The following SLC44A5 variants were observed in gnomAD, a reference collection of about 807,000 sequenced individuals.
The protein encoded by SLC44A5 is solute carrier family 44 member 5.
In SLC44A5, 57 loss-of-function variants were observed where a neutral mutation model predicts 101.8. The observed-to-expected ratio is 0.56, with a 90% CI of 0.45 to 0.70. The LOEUF (loss-of-function observed/expected upper bound fraction) is 0.70. SLC44A5 is among the 30% of genes least tolerant of loss of function. The pLI, the probability that SLC44A5 is intolerant of heterozygous loss-of-function variation, is 0.00. For missense variants in SLC44A5, 737 were observed against 853.1 expected (o/e 0.86, Z 1.70); for synonymous variants, 281 against 290.9 (o/e 0.97, Z 0.35).
intron 4 of SLC44A5, among the ~76,000 whole-genome samples, chr1:75,310,034 T>C (rs930931368): frequency 1.3e-5 from 2 of 152,218 alleles, no homozygotes; most frequent in African/African-American, 4.8e-5. Context: ...ACAAACTTTG[T>C]AGAGGTTTTA....
At chr1:75,504,076 A>G (rs1158026777) in intron 2 of SLC44A5, among the ~76,000 whole-genome samples, 1 of 152,134 alleles carries the variant, frequency 6.6e-6, no homozygotes, top group African/African-American at 2.4e-5. Context: ...TTATGAGATA[A>G]TCAAACTACA....
intron 1 of SLC44A5, chr1:75,582,124 A>G: frequency 2.7e-6 from 2 of 740,688 alleles, no homozygotes; most frequent in South Asian, 2.8e-5. Context: ...CACACCACAC[A>G]CAACTGGTCC....
At chr1:75,328,390 A>G (rs531100762) in intron 4 of SLC44A5, among the ~76,000 whole-genome samples, 6 of 152,306 alleles carry the variant, frequency 3.9e-5, no homozygotes, top group African/African-American at 1.4e-4. Context: ...TAAAAAGAGG[A>G]GATATGGGTC....
At chr1:75,596,563 G>A (rs371355528) in intron 1 of SLC44A5, among the ~76,000 whole-genome samples, 6 of 151,944 alleles carry the variant, frequency 3.9e-5, no homozygotes, top group East Asian at 3.9e-4. Flanking sequence ...AGCAAAATAC[G>A]GTCAAACCAG....
the SLC44A5 span, among the ~76,000 whole-genome samples, chr1:75,716,924 C>A: frequency 6.6e-6 from 1 of 151,966 alleles, no homozygotes; most frequent in African/African-American, 2.4e-5. Flanking sequence ...GTCCCAGCTA[C>A]TTGGGAGGCT....
At chr1:75,554,550 T>C (rs1223251764) in intron 1 of SLC44A5, among the ~76,000 whole-genome samples, 1 of 150,940 alleles carries the variant, frequency 6.6e-6, no homozygotes, top group Non-Finnish European at 1.5e-5. Context: ...ACAATACATA[T>C]GACACAGATG....
chr1:75,217,541 C>G (rs1646987341), intron 18 of SLC44A5, among the ~76,000 whole-genome samples: 1 of 152,066 alleles, frequency 6.6e-6, no homozygotes, highest in African/African-American at 2.4e-5. Context: ...TTGGAACTGC[C>G]AACCTGACAT....
intron 3 of SLC44A5, among the ~76,000 whole-genome samples, chr1:75,373,657 C>T (rs1227373334): frequency 1.3e-5 from 2 of 152,096 alleles, no homozygotes; most frequent in Non-Finnish European, 2.9e-5. Flanking sequence ...GAGCAGGGCA[C>T]ATCTGATCCA....
At chr1:75,548,837 G>A (rs1179116945) in intron 1 of SLC44A5, among the ~76,000 whole-genome samples, 2 of 152,140 alleles carry the variant, frequency 1.3e-5, no homozygotes, top group African/African-American at 4.8e-5. Flanking sequence ...TTTGACCACA[G>A]CCAATTCATG....
At chr1:75,556,760 G>T (rs1340931742) in intron 1 of SLC44A5, among the ~76,000 whole-genome samples, 3 of 152,064 alleles carry the variant, frequency 2.0e-5, no homozygotes, top group Non-Finnish European at 4.4e-5. Flanking sequence ...ATTTGGACAA[G>T]GACGGGTAGG....
At chr1:75,365,403 T>G (rs1659785861) in intron 3 of SLC44A5, among the ~76,000 whole-genome samples, 1 of 152,192 alleles carries the variant, frequency 6.6e-6, no homozygotes, top group Non-Finnish European at 1.5e-5. Context: ...CTCCAACTTA[T>G]AAATAAGAAC....
rs1008853098 is a variant in SLC44A5, at chr1:75,343,022, G to T, written c.53-3392C>A. On this transcript the variant is annotated intron_variant, in intron 3 of 23. Coordinates refer to ENST00000370859, the MANE Select transcript of SLC44A5 (RefSeq NM_001130058.2). ...ATCAATAGAGGGCAGTGCTTTTATA[G>T]GGGCCCTCACGTACTCTAATTGCGT... Among the ~76,000 whole-genome samples the T allele has an allele frequency of 2.6e-5, 4 of 152,020 alleles. No individual in the cohort carries two copies. In the East Asian group the frequency reaches 7.7e-4, roughly 29 times the overall value.
At chr1:75,564,603 T>TTTTATTTATTTC (rs1672692057) in intron 1 of SLC44A5, among the ~76,000 whole-genome samples, 1 of 138,042 alleles carries the variant, frequency 7.2e-6, no homozygotes, top group Non-Finnish European at 1.5e-5. Flanking sequence ...TTTTTTTAAT[T>TTTTATTTATTTC]TTTATTTATT....
chr1:75,400,007 A>G (rs1383328642), intron 2 of SLC44A5, among the ~76,000 whole-genome samples: 4 of 152,242 alleles, frequency 2.6e-5, no homozygotes, highest in Non-Finnish European at 4.4e-5. Flanking sequence ...CCGCTGTTAA[A>G]AAGAATGAAA....
chr1:75,219,145 C>T, intron 16 of SLC44A5, 112 bp downstream of exon 16: 1 of 761,094 alleles, frequency 1.3e-6, no homozygotes, highest in Non-Finnish European at 2.3e-6. Flanking sequence ...CATAGTTGTC[C>T]CCATCAGTGT....
the SLC44A5 span, among the ~76,000 whole-genome samples, chr1:75,699,472 C>T: frequency 5.3e-5 from 8 of 151,898 alleles, no homozygotes; most frequent in Admixed American, 3.9e-4. Flanking sequence ...CGTCACCACC[C>T]GGCCTGCCCT....
At chr1:75,213,489 T>G (rs1646898937) in intron 22 of SLC44A5, among the ~76,000 whole-genome samples, 1 of 98,504 alleles carries the variant, frequency 1.0e-5, no homozygotes, top group African/African-American at 3.4e-5. Context: ...ATGAAAGAGA[T>G]AATCTCTCTC....
the SLC44A5 span, among the ~76,000 whole-genome samples, chr1:75,616,678 C>T: frequency 6.6e-6 from 1 of 152,138 alleles, no homozygotes; most frequent in Non-Finnish European, 1.5e-5. Flanking sequence ...CCCTCCCGAA[C>T]CGAGAAGGAA....
intron 5 of SLC44A5, among the ~76,000 whole-genome samples, chr1:75,280,058 A>C (rs1303582272): frequency 6.8e-6 from 1 of 147,170 alleles, no homozygotes; most frequent in Non-Finnish European, 1.5e-5. Flanking sequence ...AGTTCCATCC[A>C]GGTTGCTGCA....
Sources: gnomAD v4.1 joint callset for allele counts (sites outside exome capture counted in the v4.1 genomes callset) on GRCh38, gnomAD v4.1.1 for gene constraint, MANE v1.5 for transcripts, NCBI Gene and HGNC (gene_info 2026-07-23, HGNC 2026-07-21) for gene names.